The following PHLPP1 variants were observed in gnomAD, a reference collection of about 807,000 sequenced individuals.
The protein encoded by PHLPP1 is PH domain leucine-rich repeat-containing protein phosphatase 1.
PHLPP1 carries 42 observed loss-of-function variants against 117.2 expected under a neutral mutation model. The ratio of observed to expected loss-of-function variants is 0.36; its 90% CI spans 0.28 to 0.46. The LOEUF is 0.46. Among genes scored for constraint, PHLPP1 ranks in the 20% least tolerant of loss-of-function variants. The pLI, the probability that PHLPP1 is intolerant of heterozygous loss-of-function variation, is 1.00. For missense variants in PHLPP1, 2,084 were observed against 2,241.9 expected (o/e 0.93, Z 1.42); for synonymous variants, 1,042 against 970.7 (o/e 1.07, Z -1.37).
intron 2 of PHLPP1, among the ~76,000 whole-genome samples, chr18:62,836,471 A>G (rs890880916): frequency 6.7e-5 from 10 of 148,516 alleles, no homozygotes; most frequent in Non-Finnish European, 1.0e-4. Flanking sequence ...AAATAAATAA[A>G]TAAATAAATA....
intron 4 of PHLPP1, among the ~76,000 whole-genome samples, chr18:62,871,320 T>A (rs1201637144): frequency 1.3e-5 from 2 of 152,012 alleles, no homozygotes; most frequent in Admixed American, 6.6e-5. Flanking sequence ...CTCTGTTTAT[T>A]TTTGTTTTTG....
chr18:62,966,412 A>G (rs1006468816), intron 14 of PHLPP1, among the ~76,000 whole-genome samples: 1 of 151,246 alleles, frequency 6.6e-6, no homozygotes, highest in African/African-American at 2.4e-5. Flanking sequence ...TATATGTAAG[A>G]GGTATAATCT....
intron 4 of PHLPP1, among the ~76,000 whole-genome samples, chr18:62,894,344 C>T (rs1916501122): frequency 6.6e-6 from 1 of 152,212 alleles, no homozygotes. Flanking sequence ...TACAGGGGTG[C>T]ACCACCAGGC....
chr18:62,862,912 T>A (rs1029324659), intron 4 of PHLPP1, among the ~76,000 whole-genome samples: 1 of 152,190 alleles, frequency 6.6e-6, no homozygotes, highest in African/African-American at 2.4e-5. Flanking sequence ...AAGAATATAA[T>A]GACAACTGGG....
intron 13 of PHLPP1, among the ~76,000 whole-genome samples, chr18:62,959,778 T>C (rs900099122): frequency 3.9e-5 from 6 of 152,244 alleles, no homozygotes; most frequent in African/African-American, 1.2e-4. Flanking sequence ...TGAAAAGCAC[T>C]TAAAGTGATT....
chr18:62,862,036 A>G (rs1341357239), intron 4 of PHLPP1, among the ~76,000 whole-genome samples: 1 of 152,094 alleles, frequency 6.6e-6, no homozygotes, highest in African/African-American at 2.4e-5. Context: ...GTATTTTATT[A>G]TGGAATTTTA....
At chr18:62,785,846 T>C (rs1475398663) in intron 1 of PHLPP1, among the ~76,000 whole-genome samples, 1 of 152,204 alleles carries the variant, frequency 6.6e-6, no homozygotes, top group Non-Finnish European at 1.5e-5. Context: ...AGTGGTAAGC[T>C]GAACTGAATT....
intron 1 of PHLPP1, among the ~76,000 whole-genome samples, chr18:62,760,171 G>A (rs1912169664): frequency 1.3e-5 from 2 of 152,284 alleles, no homozygotes; most frequent in African/African-American, 4.8e-5. Context: ...TTGTCAGTAT[G>A]AAATAATAAG....
chr18:62,836,487 A>AT (rs1914906645), intron 2 of PHLPP1, among the ~76,000 whole-genome samples: 1 of 123,386 alleles, frequency 8.1e-6, no homozygotes, highest in Non-Finnish European at 1.8e-5. Context: ...AAATAAATAA[A>AT]AATAAATTAC....
At chr18:62,895,611 T>C (rs1916538995) in intron 5 of PHLPP1, among the ~76,000 whole-genome samples, 170 bp from the exon 6 acceptor site, 1 of 152,278 alleles carries the variant, frequency 6.6e-6, no homozygotes, top group Admixed American at 6.5e-5. Flanking sequence ...GATGCTTATC[T>C]CTGATTATTT....
At chr18:62,770,902 T>C (rs973527476) in intron 1 of PHLPP1, among the ~76,000 whole-genome samples, 1 of 152,150 alleles carries the variant, frequency 6.6e-6, no homozygotes, top group Non-Finnish European at 1.5e-5. Context: ...GAAACAAAGA[T>C]GGTATATACA....
chr18:62,821,570 AAG>A (rs1485507568), intron 1 of PHLPP1, among the ~76,000 whole-genome samples: 16 of 149,382 alleles, frequency 1.1e-4, no homozygotes, highest in African/African-American at 3.9e-4. Context: ...AAAAAAAAAA[AAG>A]AAAAGAAAAA....
chr18:62,865,905 G>A (rs1177659878), intron 4 of PHLPP1, among the ~76,000 whole-genome samples: 2 of 152,212 alleles, frequency 1.3e-5, no homozygotes, highest in African/African-American at 2.4e-5. Context: ...GGAAGAAGGA[G>A]AGGATTAGGA....
intron 1 of PHLPP1, among the ~76,000 whole-genome samples, chr18:62,776,971 A>G (rs918111799): frequency 2.6e-5 from 4 of 152,164 alleles, no homozygotes; most frequent in Non-Finnish European, 4.4e-5. Flanking sequence ...CTATTGATGG[A>G]CACTTGGGCT....
intron 12 of PHLPP1, among the ~76,000 whole-genome samples, chr18:62,952,873 C>A (rs770144309): frequency 6.6e-6 from 1 of 152,300 alleles, no homozygotes; most frequent in South Asian, 2.1e-4. Flanking sequence ...CCTTCCACAA[C>A]GGTCTCCCAA....
intron 4 of PHLPP1, among the ~76,000 whole-genome samples, chr18:62,868,031 C>T (rs1010859119): frequency 3.3e-5 from 5 of 152,024 alleles, no homozygotes; most frequent in African/African-American, 1.2e-4. Context: ...AGGATGGTCT[C>T]GATCTTCTGA....
chr18:62,900,243 G>A (rs933726538), intron 6 of PHLPP1, among the ~76,000 whole-genome samples: 2 of 151,704 alleles, frequency 1.3e-5, no homozygotes, highest in African/African-American at 4.8e-5. Flanking sequence ...GTTGCAGTGG[G>A]CCAAGATCGC....
chr18:62,970,250 C>G (rs1174503298), intron 14 of PHLPP1, among the ~76,000 whole-genome samples: 1 of 152,070 alleles, frequency 6.6e-6, no homozygotes, highest in Non-Finnish European at 1.5e-5. Context: ...CCTGTCCTGG[C>G]CTTTATGCTG....
intron 1 of PHLPP1, among the ~76,000 whole-genome samples, chr18:62,735,968 TTAAA>T (rs1287504397): frequency 6.7e-6 from 1 of 149,366 alleles, no homozygotes; most frequent in Non-Finnish European, 1.5e-5. Flanking sequence ...ACATAAAAAA[TTAAA>T]AAAAAAAAGA....
Sources: allele counts gnomAD v4.1 joint callset (sites outside exome capture counted in the v4.1 genomes callset), GRCh38; gene constraint gnomAD v4.1.1; transcripts MANE v1.5; gene names NCBI Gene and HGNC (gene_info 2026-07-23, HGNC 2026-07-21).